Variants in ASXL3 observed in about 807,000 individuals in gnomAD.
ASXL3 encodes putative Polycomb group protein ASXL3.
ASXL3 carries 34 observed loss-of-function variants against 170.6 expected under a neutral mutation model. That is an observed-to-expected ratio of 0.20 (90% confidence interval 0.15 to 0.27). The LOEUF is 0.27. Ranked by LOEUF, ASXL3 falls within the 10% of genes least tolerant of loss-of-function variation. The pLI, the probability that ASXL3 is intolerant of heterozygous loss-of-function variation, is 1.00. For missense variants in ASXL3, 2,592 were observed against 2,695.3 expected, an observed-to-expected ratio of 0.96 and a Z score of 0.85; for synonymous variants, 1,002 against 989.1, an observed-to-expected ratio of 1.01 and a Z score of -0.24.
At chr18:33,733,233 T>C (rs994989610) in intron 9 of ASXL3, among the ~76,000 whole-genome samples, 1 of 152,144 alleles carries the variant, frequency 6.6e-6, no homozygotes, top group African/African-American at 2.4e-5. Context: ...GTGTTTTATT[T>C]TCAAATGCTT....
chr18:33,683,329 G>A, intron 7 of ASXL3, 76 bp from the exon 8 acceptor site: 2 of 1,253,014 alleles, frequency 1.6e-6, no homozygotes, highest in Non-Finnish European at 2.2e-6. Flanking sequence ...GATATATGTG[G>A]CTGTGTTTGT....
chr18:33,748,452 A>G lies in ASXL3; in HGVS notation c.*1857A>G, dbSNP rs1238226757. ...AAAGAAAAGGCCTGCTGCTGTAGCC[A>G]TGATTTTGGTGCTTCAGTACTGTCA... On this transcript the variant is annotated 3_prime_UTR_variant, in exon 12 of 12. Coordinates refer to ENST00000269197, the MANE Select transcript of ASXL3 (RefSeq NM_030632.3). 6.6e-6 allele frequency: 1 copy of G among 152,236 alleles called. No individual in the cohort carries two copies. Among genetic ancestry groups the G allele is most frequent in the Non-Finnish European group, 1.5e-5 (1 of 68,052 alleles). The allele number at this position is 152,236 out of a possible 1,614,324, so 9.4% of individuals were successfully genotyped here.
At chr18:33,651,916 A>G (rs528660415) in intron 4 of ASXL3, among the ~76,000 whole-genome samples, 6 of 152,202 alleles carry the variant, frequency 3.9e-5, no homozygotes, top group African/African-American at 1.4e-4. Flanking sequence ...CAATGTAGGA[A>G]AAGTGGTATA....
intron 7 of ASXL3, among the ~76,000 whole-genome samples, chr18:33,678,366 C>T (rs968090394): frequency 1.3e-5 from 2 of 152,178 alleles, no homozygotes; most frequent in Non-Finnish European, 2.9e-5. Flanking sequence ...AGTGTGTCTG[C>T]ATCTCTGTGT....
intron 8 of ASXL3, among the ~76,000 whole-genome samples, chr18:33,724,939 T>G (rs886102020): frequency 6.6e-6 from 1 of 152,174 alleles, no homozygotes; most frequent in African/African-American, 2.4e-5. Flanking sequence ...ATGCCTATCT[T>G]TATGTTATTC....
In ASXL3 at chr18:33,738,765, T is replaced by C. The variant is rs1021666708; in HGVS notation, c.1361T>C (p.Ile454Thr). Residue 454 changes from isoleucine (I) to threonine (T), a missense_variant, in exon 11 of 12, where the codon ATT (isoleucine) becomes ACT (threonine). Ile to Thr is a moderately conservative substitution (Grantham distance 89). Coordinates refer to ENST00000269197, the MANE Select transcript of ASXL3 (RefSeq NM_030632.3). ...IPEESVIQEE[I>T]AEEVETSICE... ...GAAGAATCTGTAATTCAGGAGGAAA[T>C]TGCAGAAGAGGTAGAGACTAGTATC... 2 of 1,613,864 alleles carry C rather than the reference T, an allele frequency of 1.2e-6. No homozygotes were observed. The highest frequency in any genetic ancestry group is 1.7e-6 in the Non-Finnish European group (2 of 1,179,830).
chr18:33,580,148 C>G (rs757845288), intron 1 of ASXL3, among the ~76,000 whole-genome samples: 9 of 152,182 alleles, frequency 5.9e-5, no homozygotes, highest in Non-Finnish European at 1.2e-4. Context: ...CTCCACTTAT[C>G]TGTGATTGCG....
At chr18:33,675,151 A>G (rs1215296326) in intron 7 of ASXL3, among the ~76,000 whole-genome samples, 2 of 152,158 alleles carry the variant, frequency 1.3e-5, no homozygotes, top group Admixed American at 1.3e-4. Flanking sequence ...AATTAACTGA[A>G]TGGCCTAGAA....
chr18:33,590,195 A>G (rs1599373182), intron 1 of ASXL3, among the ~76,000 whole-genome samples: 1 of 147,670 alleles, frequency 6.8e-6, no homozygotes, highest in Non-Finnish European at 1.5e-5. Context: ...ACAAGGTAAG[A>G]TGGCCACTGG....
At chr18:33,621,193 G>C (rs758325711) in intron 2 of ASXL3, among the ~76,000 whole-genome samples, 1 of 152,132 alleles carries the variant, frequency 6.6e-6, no homozygotes, top group Non-Finnish European at 1.5e-5. Context: ...CTAAGGCTTA[G>C]GAAAAGTGAG....
intron 2 of ASXL3, among the ~76,000 whole-genome samples, chr18:33,643,183 G>A (rs1025356224): frequency 6.6e-6 from 1 of 151,656 alleles, no homozygotes. Flanking sequence ...AATTTTCTAT[G>A]CTTTTGTCTG....
intron 4 of ASXL3, 29 bp from the exon 5 acceptor site, chr18:33,661,587 G>A: frequency 1.3e-6 from 2 of 1,580,976 alleles, no homozygotes; most frequent in East Asian, 2.3e-5. Flanking sequence ...ATTCAAATTA[G>A]TAATATCATT....
At chr18:33,689,870 A>G (rs2066659537) in intron 8 of ASXL3, among the ~76,000 whole-genome samples, 1 of 152,132 alleles carries the variant, frequency 6.6e-6, no homozygotes, top group African/African-American at 2.4e-5. Context: ...GTACAAACAC[A>G]CACAGACACA....
intron 11 of ASXL3, among the ~76,000 whole-genome samples, chr18:33,742,659 A>G (rs867305713): frequency 6.6e-6 from 1 of 152,204 alleles, no homozygotes; most frequent in East Asian, 1.9e-4. Context: ...TGAAGTTACA[A>G]TGGATGTTTT....
chr18:33,689,714 A>T (rs548900377), intron 8 of ASXL3, among the ~76,000 whole-genome samples: 1 of 152,200 alleles, frequency 6.6e-6, no homozygotes, highest in Non-Finnish European at 1.5e-5. Flanking sequence ...TGTTAACTTG[A>T]TCATTGTATT....
In ASXL3 at chr18:33,745,077, G is replaced by A. The variant is rs1297979747; in HGVS notation, c.5229G>A (p.Val1743=). The A allele has an allele frequency of 8.7e-6, 14 of 1,613,898 alleles. No homozygotes were observed. The highest frequency in any genetic ancestry group is 1.3e-5 in the African/African-American group (1 of 74,926). Residue 1743 remains valine, a synonymous_variant, in exon 12 of 12, where the codon GTG becomes GTA. Coordinates refer to ENST00000269197, the MANE Select transcript of ASXL3 (RefSeq NM_030632.3). ...AGSSGCRLSS[V]EANNPLVTQL... ...GCTCAGGCTGTCGTCTGTCCTCTGTGGAGGCTAACAATCCGCTGGTGACGC... is the reference window on the plus strand; with the variant it reads ...GCTCAGGCTGTCGTCTGTCCTCTGTAGAGGCTAACAATCCGCTGGTGACGC...
chr18:33,671,162 T>C (rs2066334658), intron 6 of ASXL3, among the ~76,000 whole-genome samples: 1 of 152,174 alleles, frequency 6.6e-6, no homozygotes, highest in South Asian at 2.1e-4. Flanking sequence ...TGAGTGTGAA[T>C]TTGTTTTTCA....
chr18:33,612,683 A>G lies in ASXL3; in HGVS notation c.137+5007A>G, dbSNP rs562358333. 8.5e-5 allele frequency among the ~76,000 whole-genome samples: 13 copies of G among 152,206 alleles called. No individual in the cohort carries two copies. In the South Asian group the frequency reaches 2.7e-3, roughly 32 times the overall value. On this transcript the variant is annotated intron_variant, in intron 2 of 11. Coordinates refer to ENST00000269197, the MANE Select transcript of ASXL3 (RefSeq NM_030632.3). ...GGGATAACATGTCAGAAATTCTATT[A>G]CCATGTATAGTGACAAACAATAAAA...
intron 8 of ASXL3, among the ~76,000 whole-genome samples, chr18:33,729,131 C>A (rs543695505): frequency 7.0e-4 from 106 of 152,148 alleles, no homozygotes; most frequent in Non-Finnish European, 1.4e-3. Flanking sequence ...GGGCCTGGAA[C>A]AAGAACTGTA....
Sources: gnomAD v4.1 joint callset for allele counts (sites outside exome capture counted in the v4.1 genomes callset) on GRCh38, gnomAD v4.1.1 for gene constraint, MANE v1.5 for transcripts, NCBI Gene and HGNC (gene_info 2026-07-23, HGNC 2026-07-21) for gene names.